SOX5: variants seen among roughly 807,000 people sequenced by gnomAD.
SOX5 encodes SRY-box transcription factor 5.
Under a neutral mutation model 92.0 loss-of-function variants are expected in SOX5, and 9 were observed. That is an observed-to-expected ratio of 0.10 (90% confidence interval 0.06 to 0.17). SOX5 has a LOEUF of 0.17. Ranked by LOEUF, SOX5 falls within the 10% of genes least tolerant of loss-of-function variation. SOX5 has a pLI of 1.00. For missense variants in SOX5, 642 were observed against 944.5 expected, an observed-to-expected ratio of 0.68 and a Z score of 4.20; for synonymous variants, 344 against 336.3, an observed-to-expected ratio of 1.02 and a Z score of -0.25.
At chr12:23,678,736 A>C (rs966042762) in intron 6 of SOX5, among the ~76,000 whole-genome samples, 1 of 121,760 alleles carries the variant, frequency 8.2e-6, no homozygotes. Context: ...TATTTTACAG[A>C]TAAAGAAACA....
chr12:23,570,427 C>T (rs1349332148), intron 10 of SOX5, among the ~76,000 whole-genome samples: 1 of 152,098 alleles, frequency 6.6e-6, no homozygotes, highest in Non-Finnish European at 1.5e-5. Flanking sequence ...CTTGTTCATT[C>T]CTTCAATCAC....
At chr12:24,398,390 G>A (rs914198409) in intron 1 of SOX5, among the ~76,000 whole-genome samples, 8 of 152,132 alleles carry the variant, frequency 5.3e-5, no homozygotes, top group African/African-American at 1.7e-4. Context: ...TGTGGTCCCA[G>A]CTACTCGAGA....
At chr12:23,702,221 A>G (rs977149067) in intron 6 of SOX5, among the ~76,000 whole-genome samples, 1 of 152,080 alleles carries the variant, frequency 6.6e-6, no homozygotes, top group Non-Finnish European at 1.5e-5. Flanking sequence ...AATAATTTAA[A>G]GGACTAATTA....
intron 6 of SOX5, among the ~76,000 whole-genome samples, chr12:23,724,421 CCTT>C (rs1282961721): frequency 2.0e-5 from 3 of 152,112 alleles, no homozygotes; most frequent in African/African-American, 7.2e-5. Flanking sequence ...ATAGGCTGCT[CCTT>C]CTTCTTACCA....
intron 6 of SOX5, among the ~76,000 whole-genome samples, chr12:23,692,474 T>C (rs1368228363): frequency 6.6e-6 from 1 of 151,546 alleles, no homozygotes; most frequent in Non-Finnish European, 1.5e-5. Flanking sequence ...TTTCCAAATA[T>C]ATTTTGATTA....
intron 8 of SOX5, among the ~76,000 whole-genome samples, chr12:23,618,695 G>C (rs865775908): frequency 2.0e-5 from 3 of 152,132 alleles, no homozygotes; most frequent in African/African-American, 7.2e-5. Flanking sequence ...GATGAAAAAC[G>C]AATTGAACAG....
intron 3 of SOX5, among the ~76,000 whole-genome samples, chr12:23,776,327 G>C (rs551878588): frequency 1.2e-4 from 19 of 152,202 alleles, no homozygotes; most frequent in African/African-American, 4.3e-4. Flanking sequence ...TTATGACACA[G>C]TTAAAAAGGA....
At chr12:24,221,518 A>G (rs1960428023) in intron 3 of SOX5, among the ~76,000 whole-genome samples, 1 of 152,192 alleles carries the variant, frequency 6.6e-6, no homozygotes, top group Admixed American at 6.5e-5. Flanking sequence ...GGCCTCTTTC[A>G]GCTTTTAAAT....
intron 2 of SOX5, among the ~76,000 whole-genome samples, chr12:23,873,675 A>G (rs1207711920): frequency 6.6e-6 from 1 of 152,190 alleles, no homozygotes; most frequent in African/African-American, 2.4e-5. Flanking sequence ...TAAATCAAAC[A>G]GTCTCTATTA....
intron 1 of SOX5, among the ~76,000 whole-genome samples, chr12:24,404,961 G>C (rs1962581344): frequency 6.6e-6 from 1 of 152,050 alleles, no homozygotes; most frequent in Non-Finnish European, 1.5e-5. Flanking sequence ...AATATGCATA[G>C]GGGAAAAATA....
chr12:24,537,026 A>G (rs1951701404), intron 1 of SOX5, among the ~76,000 whole-genome samples: 2 of 152,194 alleles, frequency 1.3e-5, no homozygotes, highest in Non-Finnish European at 2.9e-5. Context: ...TTTGGTAAAA[A>G]TATTATCACG....
chr12:24,552,023 C>T (rs1953232258), intron 1 of SOX5, among the ~76,000 whole-genome samples: 2 of 152,122 alleles, frequency 1.3e-5, no homozygotes, highest in South Asian at 4.2e-4. Context: ...TTCAGTCTGG[C>T]CTGTTAAAAA....
intron 2 of SOX5, among the ~76,000 whole-genome samples, chr12:24,324,372 T>A (rs537407241): frequency 6.6e-6 from 1 of 152,156 alleles, no homozygotes; most frequent in African/African-American, 2.4e-5. Flanking sequence ...ACAAGCTATC[T>A]TCTGTCTCTG....
chr12:24,530,836 A>C (rs1029276405), intron 1 of SOX5, among the ~76,000 whole-genome samples: 4 of 152,106 alleles, frequency 2.6e-5, no homozygotes, highest in African/African-American at 7.2e-5. Flanking sequence ...CAACCCTTCT[A>C]ATATTACTCA....
chr12:23,927,551 A>G (rs567978095), intron 1 of SOX5, among the ~76,000 whole-genome samples: 66 of 152,230 alleles, frequency 4.3e-4, no homozygotes, highest in African/African-American at 1.6e-3. Flanking sequence ...TCTTGTTAAA[A>G]TAATGATGAT....
intron 1 of SOX5, among the ~76,000 whole-genome samples, chr12:24,535,053 C>T (rs1174143777): frequency 6.6e-6 from 1 of 152,170 alleles, no homozygotes; most frequent in East Asian, 1.9e-4. Context: ...CCAGCCAAGG[C>T]AAAGGCCCAA....
chr12:24,043,730 G>T (rs1249603016), intron 4 of SOX5, among the ~76,000 whole-genome samples: 1 of 152,122 alleles, frequency 6.6e-6, no homozygotes, highest in Non-Finnish European at 1.5e-5. Context: ...TATTTAAAAT[G>T]TTATGGAATT....
chr12:24,237,664 T>A (rs765040671), intron 3 of SOX5, among the ~76,000 whole-genome samples: 27 of 152,186 alleles, frequency 1.8e-4, no homozygotes, highest in Non-Finnish European at 3.7e-4. Context: ...CAAGTTGTAT[T>A]TTTCTAAACA....
chr12:23,605,258 A>C (rs1344774859), intron 8 of SOX5, among the ~76,000 whole-genome samples: 1 of 152,072 alleles, frequency 6.6e-6, no homozygotes, highest in Non-Finnish European at 1.5e-5. Flanking sequence ...CAAGTAATTA[A>C]TAAAAGAAAA....
Sources: allele counts gnomAD v4.1 joint callset (sites outside exome capture counted in the v4.1 genomes callset), GRCh38; gene constraint gnomAD v4.1.1; transcripts MANE v1.5; gene names NCBI Gene and HGNC (gene_info 2026-07-23, HGNC 2026-07-21).